The following GCSAML variants were observed in gnomAD, a reference collection of about 807,000 sequenced individuals.
GCSAML encodes the protein germinal center-associated signaling and motility-like protein.
In GCSAML, 9 loss-of-function variants were observed where a neutral mutation model predicts 13.0. The ratio of observed to expected loss-of-function variants is 0.69; its 90% CI spans 0.42 to 1.21. GCSAML has a LOEUF of 1.21. GCSAML is among the 50% of genes most tolerant of loss of function. The pLI is 0.00. For synonymous variants in GCSAML, 37 were observed against 52.9 expected (o/e 0.70, Z 1.31); for missense variants, 143 against 153.4 (o/e 0.93, Z 0.36).
At chr1:247,522,761 G>A (rs1394223428) in intron 1 of GCSAML, among the ~76,000 whole-genome samples, 1 of 151,996 alleles carries the variant, frequency 6.6e-6, no homozygotes, top group Non-Finnish European at 1.5e-5. Context: ...AAGTACCCAG[G>A]GACACAAACA....
chr1:247,518,214 C>T (rs1244603442), intron 1 of GCSAML, among the ~76,000 whole-genome samples: 2 of 152,232 alleles, frequency 1.3e-5, no homozygotes, highest in Admixed American at 6.5e-5. Flanking sequence ...TCCGCCCTGA[C>T]GTCGCCGCGT....
chr1:247,555,945 A>G (rs1667931148), intron 1 of GCSAML, among the ~76,000 whole-genome samples: 1 of 152,248 alleles, frequency 6.6e-6, no homozygotes, highest in Non-Finnish European at 1.5e-5. Flanking sequence ...TCTTATCTGC[A>G]CATGGATGCC....
Position 247,576,901 on chromosome 1 carries a change from T to C in GCSAML, c.*2519T>C, listed in dbSNP as rs1668860244. 6.6e-6 allele frequency: 1 copy of C among 152,190 alleles called. No homozygotes were observed. Among genetic ancestry groups the C allele is most frequent in the Non-Finnish European group, 1.5e-5 (1 of 68,022 alleles). 9.4% of individuals were successfully genotyped at this position (152,190 alleles called of 1,614,324 possible). A position where few individuals can be genotyped will look rare whatever the true frequency, so the allele number is the denominator to read the frequency against. On this transcript the variant is annotated 3_prime_UTR_variant, in exon 5 of 5. Transcript: ENST00000366488. Reference sequence around the variant, plus strand: ...AATACCTTATTTGTAATAAAATTAATTTTAATTTGAGTAACAATCTGGAAT... The same window carrying C: ...AATACCTTATTTGTAATAAAATTAACTTTAATTTGAGTAACAATCTGGAAT...
intron 2 of GCSAML, among the ~76,000 whole-genome samples, chr1:247,532,838 T>C (rs2103007045): frequency 6.8e-6 from 1 of 147,514 alleles, no homozygotes; most frequent in South Asian, 2.2e-4. Flanking sequence ...ATTACCTTCC[T>C]CACGGCCAAC....
intron 1 of GCSAML, among the ~76,000 whole-genome samples, chr1:247,511,818 A>T (rs1339568659): frequency 6.6e-6 from 1 of 152,134 alleles, no homozygotes; most frequent in Non-Finnish European, 1.5e-5. Context: ...TTTCTTTAAG[A>T]ATGTTGAATA....
chr1:247,511,402 T>C (rs1461534178), intron 1 of GCSAML, among the ~76,000 whole-genome samples: 1 of 152,214 alleles, frequency 6.6e-6, no homozygotes, highest in Non-Finnish European at 1.5e-5. Context: ...TTTGAGCTTA[T>C]GTGTGTCTTT....
intron 1 of GCSAML, among the ~76,000 whole-genome samples, chr1:247,518,988 C>T (rs2103308074): frequency 6.7e-6 from 1 of 149,466 alleles, no homozygotes; most frequent in South Asian, 2.3e-4. Flanking sequence ...AACCCTATCT[C>T]TAAAAAAAGA....
At chr1:247,543,051 C>T (rs1306854348) in intron 2 of GCSAML, among the ~76,000 whole-genome samples, 4 of 152,186 alleles carry the variant, frequency 2.6e-5, no homozygotes, top group Non-Finnish European at 4.4e-5. Context: ...TAATCAACAG[C>T]GGAGTCAGCA....
Position 247,526,852 on chromosome 1 carries a change from G to A in GCSAML, c.-262-88G>A. On this transcript the variant is annotated intron_variant, in intron 1 of 5. Transcript: ENST00000366489. This position sits in a 1 kb window ranked among gnomAD's most constrained non-coding sequence, Gnocchi z 4.8. ...AAGTGGTGTCCAATATGGCATGTTAGCATTTTCCTCTTCATTTACTATAAC... is the reference window on the plus strand; with the variant it reads ...AAGTGGTGTCCAATATGGCATGTTAACATTTTCCTCTTCATTTACTATAAC... 2.5e-6 allele frequency: 1 copy of A among 405,738 alleles called. No individual in the cohort carries two copies. Among genetic ancestry groups the A allele is most frequent in the Non-Finnish European group, 4.9e-6 (1 of 205,060 alleles). 25.1% of individuals were successfully genotyped at this position (405,738 alleles called of 1,614,324 possible).
rs1421895151 is a variant in GCSAML at position 247,577,473 on chromosome 1, TTG to T, written c.*3099_*3100del. The T allele has an allele frequency of 6.6e-6, 1 of 152,194 alleles. No homozygotes were observed. Among genetic ancestry groups the T allele is most frequent in the Admixed American group, 6.5e-5 (1 of 15,276 alleles). The allele number at this position is 152,194 out of a possible 1,614,324, so 9.4% of individuals were successfully genotyped here. Reference sequence around the variant, plus strand: ...GCAATGTACCCTTTCCATATTTATTTTGTGTGTGTAAGGCTTCTTTTAGTCAT... The same window carrying T: ...GCAATGTACCCTTTCCATATTTATTTTGTGTGTAAGGCTTCTTTTAGTCAT... On this transcript the variant is annotated 3_prime_UTR_variant, in exon 5 of 5. Coordinates refer to ENST00000366488, the MANE Select transcript of GCSAML (RefSeq NM_145278.5).
chr1:247,550,079 C>T (rs1370975476), intron 1 of GCSAML, among the ~76,000 whole-genome samples: 1 of 152,154 alleles, frequency 6.6e-6, no homozygotes, highest in Admixed American at 6.5e-5. Context: ...TGGAAAATCC[C>T]AGCAAGTCTT....
rs1666713146 is a variant in GCSAML at position 247,527,130 on chromosome 1, G to A, written c.-148+76G>A. The A allele has an allele frequency of 4.4e-6, 2 of 451,420 alleles. No homozygotes were observed. 28.0% of individuals were successfully genotyped at this position (451,420 alleles called of 1,614,324 possible). ...TCATTTTCTGTTAAGCATTTAGGGA[G>A]CAGTTGGGTGAGCACATGACCAATC... is the stretch of plus-strand genomic sequence containing the variant. On this transcript the variant is annotated intron_variant, in intron 2 of 5. Coordinates refer to the GCSAML transcript ENST00000366489. This position sits in a 1 kb window ranked among gnomAD's most constrained non-coding sequence, Gnocchi z 4.6.
intron 1 of GCSAML, among the ~76,000 whole-genome samples, chr1:247,519,958 A>G (rs913491735): frequency 6.6e-6 from 1 of 152,242 alleles, no homozygotes; most frequent in Non-Finnish European, 1.5e-5. Flanking sequence ...TATGTTAATC[A>G]TGCTAATTAT....
At chr1:247,519,665 T>TA (rs1423061258) in intron 1 of GCSAML, among the ~76,000 whole-genome samples, 2 of 152,256 alleles carry the variant, frequency 1.3e-5, no homozygotes, top group African/African-American at 4.8e-5. Context: ...CACAGAGGAC[T>TA]ATGCATGGTA....
At position 247,550,442 on chromosome 1, in the gene GCSAML, T is replaced by C. The variant is rs549169646; in HGVS notation, c.29+1222T>C. On this transcript the variant is annotated intron_variant, in intron 1 of 4. Coordinates refer to ENST00000366488, the MANE Select transcript of GCSAML (RefSeq NM_145278.5). ...CACGAGGTCAGGAGATCGAGACCAT[T>C]CTGGCTAACACGGTGAAACTCCGTC... Among the ~76,000 whole-genome samples the C allele has an allele frequency of 5.4e-4, 82 of 152,060 alleles. 1 individual carries two copies. Among genetic ancestry groups the C allele is most frequent in the South Asian group, 1.2e-3 (6 of 4,812 alleles).
chr1:247,518,848 G>A (rs1207736222), intron 1 of GCSAML, among the ~76,000 whole-genome samples: 1 of 152,054 alleles, frequency 6.6e-6, no homozygotes, highest in African/African-American at 2.4e-5. Flanking sequence ...AAATTAGCCG[G>A]GCTAGTGGCG....
intron 2 of GCSAML, among the ~76,000 whole-genome samples, chr1:247,563,056 G>A (rs980775228): frequency 2.0e-5 from 3 of 149,488 alleles, no homozygotes; most frequent in Non-Finnish European, 3.0e-5. Flanking sequence ...CACCGTGTTG[G>A]CCAGGAAGGT....
chr1:247,536,043 A>T (rs1667204994), intron 2 of GCSAML: 1 of 152,222 alleles, frequency 6.6e-6, no homozygotes, highest in Non-Finnish European at 1.5e-5. Context: ...AAATCAGATC[A>T]TTTAAACGGA....
chr1:247,513,006 A>C (rs999302290), intron 1 of GCSAML, among the ~76,000 whole-genome samples: 1 of 152,164 alleles, frequency 6.6e-6, no homozygotes, highest in Non-Finnish European at 1.5e-5. Flanking sequence ...CCACTTGAGG[A>C]GGCAGTCTGT....
Sources: gnomAD v4.1 joint callset for allele counts (sites outside exome capture counted in the v4.1 genomes callset) on GRCh38, gnomAD v4.1.1 for gene constraint, Gnocchi (gnomAD v3.1) non-coding constraint, MANE v1.5 for transcripts, NCBI Gene and HGNC (gene_info 2026-07-23, HGNC 2026-07-21) for gene names.